The following CAST variants were observed in gnomAD, a reference collection of about 807,000 sequenced individuals.
CAST encodes the protein calpastatin.
In CAST, 76 loss-of-function variants were observed where a neutral mutation model predicts 119.6. The ratio of observed to expected loss-of-function variants is 0.64; its 90% CI spans 0.53 to 0.77. CAST has a LOEUF of 0.77. CAST is among the 30% of genes least tolerant of loss of function. The pLI, the probability that CAST is intolerant of heterozygous loss-of-function variation, is 0.00. For missense variants in CAST, 953 were observed against 946.5 expected (o/e 1.01, Z -0.09); for synonymous variants, 319 against 331.6 (o/e 0.96, Z 0.41).
chr5:96,599,239 C>T (rs1747103289), intron 1 of CAST, among the ~76,000 whole-genome samples: 1 of 152,160 alleles, frequency 6.6e-6, no homozygotes, highest in Admixed American at 6.6e-5. Context: ...CCTATCTTAA[C>T]TTAGGGGGTG....
chr5:96,124,215 A>G, the CAST span, among the ~76,000 whole-genome samples: 3 of 151,976 alleles, frequency 2.0e-5, no homozygotes, highest in Non-Finnish European at 4.4e-5. Context: ...GGGTCTGGCT[A>G]TGTTGCACAG....
intron 29 of CAST, chr5:96,769,351 A>G (rs1355298161): frequency 6.9e-6 from 1 of 144,014 alleles, no homozygotes; most frequent in African/African-American, 2.6e-5. Flanking sequence ...GTTGTTTCCC[A>G]TTGTTCATTT....
chr5:96,594,047 C>T (rs980566165), intron 1 of CAST, among the ~76,000 whole-genome samples: 8 of 152,212 alleles, frequency 5.3e-5, no homozygotes, highest in African/African-American at 1.7e-4. Flanking sequence ...TTCAGCAAGA[C>T]TCAAAATTAT....
At chr5:96,427,792 A>T in the CAST span, among the ~76,000 whole-genome samples, 1 of 152,174 alleles carries the variant, frequency 6.6e-6, no homozygotes, top group African/African-American at 2.4e-5. Flanking sequence ...CATTTAGGCA[A>T]AGAAGGAAAT....
At chr5:96,571,286 G>T (rs188166059) in intron 1 of CAST, among the ~76,000 whole-genome samples, 81 of 152,226 alleles carry the variant, frequency 5.3e-4, no homozygotes, top group Non-Finnish European at 9.7e-4. Flanking sequence ...CTAGTCACTG[G>T]TGCTTTTAAA....
At chr5:96,622,597 T>C (rs1297781969) in intron 1 of CAST, among the ~76,000 whole-genome samples, 2 of 152,152 alleles carry the variant, frequency 1.3e-5, no homozygotes, top group South Asian at 2.1e-4. Flanking sequence ...CAGCCCCACA[T>C]TGAAGCACTT....
At chr5:96,599,283 A>G (rs751427074) in intron 1 of CAST, among the ~76,000 whole-genome samples, 2 of 152,162 alleles carry the variant, frequency 1.3e-5, no homozygotes, top group African/African-American at 2.4e-5. Context: ...TAGTGCCCCA[A>G]TCTGTCCTCA....
the CAST span, among the ~76,000 whole-genome samples, chr5:96,519,948 A>T: frequency 6.6e-6 from 1 of 152,140 alleles, no homozygotes; most frequent in Non-Finnish European, 1.5e-5. Context: ...TTTTAAAAAA[A>T]CTATTTATTT....
chr5:96,668,409 A>C, intron 1 of CAST, among the ~76,000 whole-genome samples: 1 of 152,232 alleles, frequency 6.6e-6, no homozygotes, highest in Admixed American at 6.5e-5. Flanking sequence ...GGAAAGTAAA[A>C]TACTAAATTC....
At chr5:96,241,113 C>G in the CAST span, among the ~76,000 whole-genome samples, 1 of 151,542 alleles carries the variant, frequency 6.6e-6, no homozygotes, top group Non-Finnish European at 1.5e-5. Context: ...GCACAATGTG[C>G]AGGTTAGTTA....
At chr5:96,669,765 T>C (rs1346921734) in intron 1 of CAST, among the ~76,000 whole-genome samples, 1 of 152,286 alleles carries the variant, frequency 6.6e-6, no homozygotes, top group East Asian at 1.9e-4. Context: ...AACCTCCCCA[T>C]GGGTGCCGAC....
chr5:96,006,607 C>T, the CAST span, among the ~76,000 whole-genome samples: 2 of 152,084 alleles, frequency 1.3e-5, no homozygotes, highest in African/African-American at 2.4e-5. Flanking sequence ...GAAATCAAAC[C>T]TTCTGATGCC....
At chr5:96,345,154 G>T in the CAST span, among the ~76,000 whole-genome samples, 1 of 152,034 alleles carries the variant, frequency 6.6e-6, no homozygotes, top group Non-Finnish European at 1.5e-5. Context: ...ATCTAACAAG[G>T]AGTCTTACCA....
At chr5:96,203,768 C>A in the CAST span, among the ~76,000 whole-genome samples, 1 of 151,962 alleles carries the variant, frequency 6.6e-6, no homozygotes, top group African/African-American at 2.4e-5. Flanking sequence ...AGATTAAGAA[C>A]CTCTGTGAAT....
chr5:96,406,287 T>G, the CAST span, among the ~76,000 whole-genome samples: 3 of 152,192 alleles, frequency 2.0e-5, no homozygotes, highest in African/African-American at 7.2e-5. Context: ...CAATTTTCAC[T>G]GCTTGGACAA....
chr5:96,096,329 G>A, the CAST span, among the ~76,000 whole-genome samples: 416 of 152,242 alleles, frequency 2.7e-3, 6 homozygotes, highest in East Asian at 0.021. Context: ...AAACAATTGA[G>A]GACAAAGCCC....
At chr5:96,295,880 C>T in the CAST span, among the ~76,000 whole-genome samples, 29 of 151,680 alleles carry the variant, frequency 1.9e-4, no homozygotes, top group South Asian at 3.5e-3. Context: ...TGTATGCACA[C>T]ATATATATAT....
chr5:96,054,381 G>C, the CAST span, among the ~76,000 whole-genome samples: 742 of 152,154 alleles, frequency 4.9e-3, 7 homozygotes, highest in African/African-American at 0.017. Context: ...GCCTCAGCTT[G>C]TAGTTGGGAC....
the CAST span, among the ~76,000 whole-genome samples, chr5:96,158,067 C>G: frequency 7.2e-6 from 1 of 138,900 alleles, no homozygotes; most frequent in Admixed American, 7.4e-5. Flanking sequence ...CCAAAACAAA[C>G]CAGAAAACAA....
Sources: allele counts gnomAD v4.1 joint callset (sites outside exome capture counted in the v4.1 genomes callset), GRCh38; gene constraint gnomAD v4.1.1; transcripts MANE v1.5; gene names NCBI Gene and HGNC (gene_info 2026-07-23, HGNC 2026-07-21).